Variants in RGL1 observed in about 807,000 individuals in gnomAD.
The protein encoded by RGL1 is ral guanine nucleotide dissociation stimulator-like 1.
Under a neutral mutation model 95.2 loss-of-function variants are expected in RGL1, and 24 were observed. That is an observed-to-expected ratio of 0.25 (90% CI 0.18 to 0.35). The LOEUF (loss-of-function observed/expected upper bound fraction) is 0.35, where lower values mean the gene tolerates loss of function less well. RGL1 is among the 10% of genes least tolerant of loss of function. The probability of loss-of-function intolerance (pLI) is 1.00; values close to 1 mark genes in which losing one functional copy is unlikely to be tolerated. For missense variants in RGL1, 715 were observed against 936.3 expected, an observed-to-expected ratio of 0.76 and a Z score of 3.08; for synonymous variants, 329 against 344.9, an observed-to-expected ratio of 0.95 and a Z score of 0.51.
chr1:183,912,437 G>A (rs1217495015), intron 15 of RGL1, among the ~76,000 whole-genome samples, 169 bp downstream of exon 15: 1 of 152,204 alleles, frequency 6.6e-6, no homozygotes, highest in Non-Finnish European at 1.5e-5. Context: ...ACTACTAATA[G>A]AAACAGGTGT....
chr1:183,902,277 T>C (rs1668072646), intron 11 of RGL1, among the ~76,000 whole-genome samples: 1 of 152,240 alleles, frequency 6.6e-6, no homozygotes, highest in Non-Finnish European at 1.5e-5. Context: ...AGCTTTTATC[T>C]TTACTGGTTC....
chr1:183,680,129 T>C (rs958617551), intron 1 of RGL1, among the ~76,000 whole-genome samples: 1 of 152,212 alleles, frequency 6.6e-6, no homozygotes, highest in Admixed American at 6.5e-5. Flanking sequence ...CTTTATCAGA[T>C]GGATAGATTG....
Position 183,785,040 on chromosome 1 carries a change from G to A in RGL1, c.133-21335G>A, listed in dbSNP as rs545980447. The stretch of plus-strand genomic sequence containing the variant: ...TGGAAAAAGTTAAAATTTATAAGCG[G>A]CTCACATTATTTTTCAGTGGGGCAG... On this transcript the variant is annotated intron_variant, in intron 2 of 18. Coordinates refer to the RGL1 transcript ENST00000304685. Among the ~76,000 whole-genome samples the A allele has an allele frequency of 3.9e-5, 6 of 152,136 alleles. No homozygotes were observed. In the East Asian group the frequency reaches 1.2e-3, roughly 29 times the overall value.
intron 2 of RGL1, among the ~76,000 whole-genome samples, chr1:183,792,479 C>T (rs897963353): frequency 1.3e-5 from 2 of 151,988 alleles, no homozygotes; most frequent in Non-Finnish European, 2.9e-5. Flanking sequence ...CCAGAACAAT[C>T]AGGCAAAAGA....
intron 2 of RGL1, among the ~76,000 whole-genome samples, chr1:183,788,548 C>T (rs1427648065): frequency 1.3e-5 from 2 of 152,180 alleles, no homozygotes; most frequent in African/African-American, 4.8e-5. Flanking sequence ...TAAAATTAAC[C>T]ATCACACCTC....
intron 1 of RGL1, among the ~76,000 whole-genome samples, chr1:183,669,728 T>C (rs1363637059): frequency 1.3e-5 from 2 of 152,106 alleles, no homozygotes; most frequent in African/African-American, 4.8e-5. Flanking sequence ...GCGTAATTTA[T>C]AAATAAAAAG....
At chr1:183,717,914 A>G (rs1655728331) in intron 1 of RGL1, among the ~76,000 whole-genome samples, 1 of 152,122 alleles carries the variant, frequency 6.6e-6, no homozygotes, top group African/African-American at 2.4e-5. Flanking sequence ...TGGGGCATGG[A>G]TATGGTGGAA....
chr1:183,811,833 G>A (rs1661738441), intron 2 of RGL1, among the ~76,000 whole-genome samples: 1 of 151,866 alleles, frequency 6.6e-6, no homozygotes, highest in South Asian at 2.1e-4. Context: ...AAATATAAGA[G>A]GCACATTAAT....
intron 4 of RGL1, among the ~76,000 whole-genome samples, chr1:183,872,888 A>G (rs1051433222): frequency 6.6e-6 from 1 of 152,208 alleles, no homozygotes; most frequent in Admixed American, 6.5e-5. Flanking sequence ...TAAAACTCCA[A>G]TTTAGAAGAA....
At chr1:183,824,546 C>T (rs1346615387) in intron 2 of RGL1, among the ~76,000 whole-genome samples, 1 of 152,194 alleles carries the variant, frequency 6.6e-6, no homozygotes, top group Non-Finnish European at 1.5e-5. Context: ...CTATCAGCAA[C>T]CACTGCCTTC....
intron 7 of RGL1, among the ~76,000 whole-genome samples, chr1:183,887,117 A>G (rs1440166435): frequency 6.8e-6 from 1 of 146,284 alleles, no homozygotes; most frequent in Non-Finnish European, 1.5e-5. Flanking sequence ...CTTAGTTTCC[A>G]GATTGCAATT....
At chr1:183,705,023 A>G (rs1654816762) in intron 1 of RGL1, among the ~76,000 whole-genome samples, 1 of 152,148 alleles carries the variant, frequency 6.6e-6, no homozygotes, top group East Asian at 1.9e-4. Flanking sequence ...GGTGAGGTCT[A>G]GGTCTGGGAG....
intron 1 of RGL1, among the ~76,000 whole-genome samples, chr1:183,660,749 A>T (rs1374882208): frequency 6.6e-6 from 1 of 152,130 alleles, no homozygotes; most frequent in Non-Finnish European, 1.5e-5. Context: ...AATCAACAGA[A>T]TATACATTTT....
intron 1 of RGL1, among the ~76,000 whole-genome samples, chr1:183,728,659 A>G (rs1486319704): frequency 6.6e-6 from 1 of 152,188 alleles, no homozygotes; most frequent in Non-Finnish European, 1.5e-5. Flanking sequence ...CATTTCTAAA[A>G]CCTAAATGCT....
At chr1:183,736,214 G>C (rs1462774890) in intron 1 of RGL1, among the ~76,000 whole-genome samples, 1 of 152,162 alleles carries the variant, frequency 6.6e-6, no homozygotes, top group Non-Finnish European at 1.5e-5. Flanking sequence ...AGTACAATAC[G>C]TGAGTGAAAC....
chr1:183,722,721 C>A (rs1656081441), intron 1 of RGL1, among the ~76,000 whole-genome samples: 1 of 152,094 alleles, frequency 6.6e-6, no homozygotes, highest in Non-Finnish European at 1.5e-5. Flanking sequence ...AATTCTAGAC[C>A]CAGAGAAAAC....
Position 183,897,843 on chromosome 1 carries a change from T to C in RGL1, c.1176T>C (p.Ser392=). 6.2e-7 allele frequency: 1 copy of C among 1,613,930 alleles called. No homozygotes were observed. The highest frequency in any genetic ancestry group is 8.5e-7 in the Non-Finnish European group (1 of 1,179,904). The part of the protein sequence containing the change: ...GTSKFANLDS[S]VKENQKRTQR... ...CAAAATTTGCAAACCTGGACAGCAG[T>C]GTGAAAGAAAACCAGAAGCGTACCC... is the stretch of plus-strand genomic sequence containing the variant. The change falls in exon 10 of 18, where the codon AGT becomes AGC. Residue 392 remains serine (S), a synonymous_variant. Coordinates refer to ENST00000360851, the MANE Select transcript of RGL1 (RefSeq NM_001297671.3).
rs113063363 is a variant in RGL1 at position 183,695,193 on chromosome 1, G to A, written c.-32-46933G>A. On this transcript the variant is annotated intron_variant, in intron 1 of 18. Coordinates refer to the RGL1 transcript ENST00000304685. Reference sequence around the variant, plus strand: ...TCCAGGAAAGCATCGGCTTGACAGCGAGGATGCCAAAAAGTCCTTGATAGG... The same window carrying A: ...TCCAGGAAAGCATCGGCTTGACAGCAAGGATGCCAAAAAGTCCTTGATAGG... 4.0e-3 allele frequency among the ~76,000 whole-genome samples: 612 copies of A among 152,286 alleles called. 5 individuals are homozygous for A. Among genetic ancestry groups the A allele is most frequent in the African/African-American group, 0.014 (579 of 41,546 alleles).
At chr1:183,665,076 G>A (rs189442932) in intron 1 of RGL1, among the ~76,000 whole-genome samples, 7 of 152,106 alleles carry the variant, frequency 4.6e-5, no homozygotes, top group African/African-American at 1.7e-4. Context: ...GAGAGTTTTT[G>A]TATTTAAAAT....
Sources: gnomAD v4.1 joint callset for allele counts (sites outside exome capture counted in the v4.1 genomes callset) on GRCh38, gnomAD v4.1.1 for gene constraint, MANE v1.5 for transcripts, NCBI Gene and HGNC (gene_info 2026-07-23, HGNC 2026-07-21) for gene names.